HEMK2: variants seen among roughly 807,000 people sequenced by gnomAD.
The protein encoded by HEMK2 is methyltransferase HEMK2.
the HEMK2 span, among the ~76,000 whole-genome samples, chr21:28,690,591 C>G: frequency 7.2e-5 from 11 of 152,080 alleles, no homozygotes; most frequent in Non-Finnish European, 1.6e-4. Context: ...CTCACCTGAA[C>G]CAAGAAGTAG....
chr21:28,610,500 A>G, the HEMK2 span, among the ~76,000 whole-genome samples: 1 of 152,176 alleles, frequency 6.6e-6, no homozygotes, highest in African/African-American at 2.4e-5. Context: ...ATGAAAAAAA[A>G]ATAAGATATT....
At chr21:28,834,817 G>C in the HEMK2 span, among the ~76,000 whole-genome samples, 1 of 152,112 alleles carries the variant, frequency 6.6e-6, no homozygotes, top group Non-Finnish European at 1.5e-5. Flanking sequence ...CATGGTGGGA[G>C]TGAGATGGGC....
the HEMK2 span, among the ~76,000 whole-genome samples, chr21:28,746,915 A>C: frequency 6.6e-6 from 1 of 152,216 alleles, no homozygotes; most frequent in Admixed American, 6.5e-5. Flanking sequence ...CCAGGTGGGA[A>C]GAGAAGTTCT....
chr21:28,664,118 T>C, the HEMK2 span, among the ~76,000 whole-genome samples: 1 of 152,226 alleles, frequency 6.6e-6, no homozygotes, highest in Non-Finnish European at 1.5e-5. Flanking sequence ...TATATGTGTT[T>C]ACATTTGTCA....
the HEMK2 span, among the ~76,000 whole-genome samples, chr21:28,810,935 T>C: frequency 6.6e-6 from 1 of 152,214 alleles, no homozygotes; most frequent in Non-Finnish European, 1.5e-5. Flanking sequence ...GTATGCATTA[T>C]TGCAGGTTCA....
At chr21:28,751,005 C>T in the HEMK2 span, among the ~76,000 whole-genome samples, 259 of 152,080 alleles carry the variant, frequency 1.7e-3, 3 homozygotes, top group Middle Eastern at 0.014. Flanking sequence ...CCGAGGCGGG[C>T]GGATCACAAG....
the HEMK2 span, among the ~76,000 whole-genome samples, chr21:28,700,458 A>T: frequency 1.3e-5 from 2 of 152,210 alleles, no homozygotes; most frequent in Admixed American, 6.5e-5. Flanking sequence ...AACCATGGGG[A>T]CATTACCGCC....
chr21:28,757,986 GA>G, the HEMK2 span, among the ~76,000 whole-genome samples: 1 of 152,138 alleles, frequency 6.6e-6, no homozygotes, highest in Non-Finnish European at 1.5e-5. Flanking sequence ...TATTATAAAT[GA>G]AAATTTGCTT....
chr21:28,596,094 G>GT, the HEMK2 span, among the ~76,000 whole-genome samples: 1 of 151,982 alleles, frequency 6.6e-6, no homozygotes, highest in Non-Finnish European at 1.5e-5. Flanking sequence ...CCAGGCTGGA[G>GT]TGCAGTGGTG....
the HEMK2 span, among the ~76,000 whole-genome samples, chr21:28,588,897 G>A: frequency 6.6e-6 from 1 of 150,882 alleles, no homozygotes; most frequent in Non-Finnish European, 1.5e-5. Flanking sequence ...GCAGGAGAAT[G>A]GCATGAACCC....
the HEMK2 span, among the ~76,000 whole-genome samples, chr21:28,742,766 G>A: frequency 1.5e-4 from 23 of 152,058 alleles, no homozygotes; most frequent in African/African-American, 4.8e-4. Flanking sequence ...GCCATCTACA[G>A]TATTTCAATA....
chr21:28,852,888 C>T, the HEMK2 span, among the ~76,000 whole-genome samples: 6,932 of 152,280 alleles, frequency 0.046, 216 homozygotes, highest in Middle Eastern at 0.12. Context: ...ATTCTGATTG[C>T]GACTTTGCAT....
chr21:28,763,570 C>T, the HEMK2 span, among the ~76,000 whole-genome samples: 3 of 152,000 alleles, frequency 2.0e-5, no homozygotes, highest in African/African-American at 4.8e-5. Flanking sequence ...TTGGAGGGGA[C>T]GGACATCCCA....
chr21:28,816,081 T>C, the HEMK2 span, among the ~76,000 whole-genome samples: 1 of 152,156 alleles, frequency 6.6e-6, no homozygotes, highest in Non-Finnish European at 1.5e-5. Flanking sequence ...CAGCAAGAGA[T>C]GGCATCTGAA....
chr21:28,595,382 G>A, the HEMK2 span, among the ~76,000 whole-genome samples: 3 of 150,628 alleles, frequency 2.0e-5, no homozygotes, highest in African/African-American at 7.4e-5. Context: ...CTATCTTCAT[G>A]GGTTCAATTG....
the HEMK2 span, among the ~76,000 whole-genome samples, chr21:28,795,311 A>G: frequency 6.6e-6 from 1 of 152,218 alleles, no homozygotes; most frequent in Non-Finnish European, 1.5e-5. Flanking sequence ...TTGCCCCAAT[A>G]TCACAGAGCC....
chr21:28,778,799 G>A, the HEMK2 span, among the ~76,000 whole-genome samples: 2 of 152,060 alleles, frequency 1.3e-5, no homozygotes, highest in Admixed American at 6.6e-5. Flanking sequence ...TATATTGGGG[G>A]TTTAGTTGAT....
the HEMK2 span, among the ~76,000 whole-genome samples, chr21:28,754,891 T>G: frequency 6.6e-6 from 1 of 152,190 alleles, no homozygotes; most frequent in Non-Finnish European, 1.5e-5. Context: ...CAAGGCAAAC[T>G]GTGATCCAGG....
chr21:28,802,593 T>TAGTGGCATG, the HEMK2 span, among the ~76,000 whole-genome samples: 1 of 152,046 alleles, frequency 6.6e-6, no homozygotes, highest in African/African-American at 2.4e-5. Context: ...TAGCTGGGCA[T>TAGTGGCATG]AGTGGCATGA....
Sources: allele counts gnomAD v4.1 joint callset (sites outside exome capture counted in the v4.1 genomes callset), GRCh38; gene constraint gnomAD v4.1.1; transcripts MANE v1.5; gene names NCBI Gene and HGNC (gene_info 2026-07-23, HGNC 2026-07-21).